Variants in RIMBP2 observed in about 807,000 individuals in gnomAD.
RIMBP2 encodes the protein RIMS binding protein 2, also known as RIMS-binding protein 2.
In RIMBP2, 48 loss-of-function variants were observed where a neutral mutation model predicts 118.6. That is an observed-to-expected ratio of 0.40 (90% confidence interval 0.32 to 0.51). RIMBP2 has a LOEUF of 0.51. Ranked by LOEUF, RIMBP2 falls within the 20% of genes least tolerant of loss-of-function variation. RIMBP2 has a pLI of 0.41. For synonymous variants in RIMBP2, 762 were observed against 742.9 expected (o/e 1.03, Z -0.42); for missense variants, 1,551 against 1,768.3 (o/e 0.88, Z 2.20).
At position 130,710,875 on chromosome 12, in the gene RIMBP2, G is replaced by A. The variant is rs149519690; in HGVS notation, c.-352+5347C>T. ...GCCCCACTGCTCCCAATCCTCACAG[G>A]CCCCGCACGTCACACGTGGGGTCCC... On this transcript the variant is annotated intron_variant, in intron 1 of 22. Transcript: ENST00000690449. This position sits in a 1 kb window ranked among gnomAD's most constrained non-coding sequence, Gnocchi z 4.3. Among the ~76,000 whole-genome samples, 1 of 152,310 alleles carries A rather than the reference G, an allele frequency of 6.6e-6. No individual in the cohort carries two copies. Among genetic ancestry groups the A allele is most frequent in the African/African-American group, 2.4e-5 (1 of 41,566 alleles).
At chr12:130,611,691 G>A (rs898361743) in intron 2 of RIMBP2, among the ~76,000 whole-genome samples, 9 of 152,056 alleles carry the variant, frequency 5.9e-5, no homozygotes, top group African/African-American at 1.2e-4. Flanking sequence ...CTCGTGTCCC[G>A]CCCCGGCACA....
chr12:130,674,953 G>A (rs1043135573), intron 1 of RIMBP2, among the ~76,000 whole-genome samples: 3 of 152,098 alleles, frequency 2.0e-5, no homozygotes, highest in Non-Finnish European at 4.4e-5. Flanking sequence ...TCCTTTTCGC[G>A]GCTGAATCAG....
In RIMBP2 at chr12:130,424,366, T is replaced by C. The variant is rs963308108; in HGVS notation, c.2905A>G (p.Ser969Gly). The change falls in exon 16 of 23, where the codon AGC becomes GGC. Residue 969 changes from serine to glycine, a missense_variant. Coordinates refer to ENST00000690449, the MANE Select transcript of RIMBP2 (RefSeq NM_001393629.1). This position sits in a 1 kb window ranked among gnomAD's most constrained non-coding sequence, Gnocchi z 9.8. ...TGCTCCCCAAAGTCCTCCTCCACGC[T>C]GCTCTGCCGGGTCAGCGTCCGCCGC... ...ARRRTLTRQS[S>G]VEEDFGEQVG... is the part of the protein sequence containing the mutation. The C allele has an allele frequency of 3.1e-5, 38 of 1,232,576 alleles. No homozygotes were observed. Among genetic ancestry groups the C allele is most frequent in the Non-Finnish European group, 3.7e-5 (37 of 988,120 alleles). 76.4% of individuals were successfully genotyped at this position (1,232,576 alleles called of 1,614,324 possible).
At position 130,445,203 on chromosome 12, in the gene RIMBP2, G is replaced by A. The variant is rs987459323; in HGVS notation, c.648C>T (p.Tyr216=). 4.3e-6 allele frequency: 7 copies of A among 1,613,150 alleles called. No individual in the cohort carries two copies. The African/African-American group carries it at 6.7e-5, about 15-fold the overall frequency. ...CATCCATGTCTCCATAGACGTAGAG[G>A]TATTTTCCCGCCGTGAGGGGCAGCT... ...EAELPLTAGK[Y]LYVYGDMDED... The change falls in exon 10 of 23, where the codon TAC becomes TAT. Residue 216 remains tyrosine (Y), a synonymous_variant. Coordinates refer to ENST00000690449, the MANE Select transcript of RIMBP2 (RefSeq NM_001393629.1).
chr12:130,665,850 T>C (rs2063894161), intron 1 of RIMBP2, among the ~76,000 whole-genome samples: 1 of 152,272 alleles, frequency 6.6e-6, no homozygotes, highest in South Asian at 2.1e-4. Flanking sequence ...CACTTCCCCC[T>C]CTTGATTATT....
chr12:130,506,967 C>T (rs2050421489), intron 3 of RIMBP2, among the ~76,000 whole-genome samples, 197 bp from the exon 4 acceptor site: 1 of 152,108 alleles, frequency 6.6e-6, no homozygotes, highest in Admixed American at 6.5e-5. Context: ...CAGCAGACGA[C>T]CTCCATCTTC....
intron 4 of RIMBP2, among the ~76,000 whole-genome samples, chr12:130,489,501 G>GGAAGCCAGGGATTTCTACCC (rs2048424124): frequency 1.3e-5 from 2 of 152,038 alleles, no homozygotes; most frequent in Non-Finnish European, 2.9e-5. Context: ...TCGGCGGGAG[G>GGAAGCCAGGGATTTCTACCC]GAAGCCAGGG....
chr12:130,605,835 G>A lies in RIMBP2; in HGVS notation c.-217+22487C>T, dbSNP rs2060149477. 2.6e-5 allele frequency among the ~76,000 whole-genome samples: 4 copies of A among 152,134 alleles called. No homozygotes were observed. In the South Asian group the frequency reaches 8.3e-4, roughly 31 times the overall value. ...TCCCAGCACTTTGGGAGGCCGAGGTGGGCAGATCATTTGAGGTCAGGAGTT... is the reference window on the plus strand; with the variant it reads ...TCCCAGCACTTTGGGAGGCCGAGGTAGGCAGATCATTTGAGGTCAGGAGTT... On this transcript the variant is annotated intron_variant, in intron 2 of 22. Coordinates refer to ENST00000690449, the MANE Select transcript of RIMBP2 (RefSeq NM_001393629.1).
At chr12:130,572,609 A>G (rs1011599186) in intron 2 of RIMBP2, among the ~76,000 whole-genome samples, 12 of 151,994 alleles carry the variant, frequency 7.9e-5, no homozygotes, top group African/African-American at 2.7e-4. Context: ...CGATTTCCAC[A>G]GCATGATGTG....
chr12:130,510,247 T>C (rs1391902473), intron 3 of RIMBP2, among the ~76,000 whole-genome samples: 3 of 152,210 alleles, frequency 2.0e-5, no homozygotes, highest in Non-Finnish European at 4.4e-5. Flanking sequence ...ACAGTAGAGC[T>C]AGAAGGGAGC....
intron 2 of RIMBP2, among the ~76,000 whole-genome samples, chr12:130,602,541 C>T (rs1226952981): frequency 6.6e-6 from 1 of 152,182 alleles, no homozygotes; most frequent in Non-Finnish European, 1.5e-5. Context: ...AGCTGCTTCC[C>T]CAGGGACTCC....
intron 1 of RIMBP2, among the ~76,000 whole-genome samples, chr12:130,648,040 C>CATGTGAACACA (rs1293962289): frequency 2.7e-5 from 4 of 145,820 alleles, no homozygotes; most frequent in Admixed American, 6.8e-5. Context: ...TGTGTACACA[C>CATGTGAACACA]CCGCCTCACG....
intron 3 of RIMBP2, among the ~76,000 whole-genome samples, chr12:130,517,572 G>T (rs1323891305): frequency 6.6e-6 from 1 of 152,048 alleles, no homozygotes; most frequent in Non-Finnish European, 1.5e-5. Flanking sequence ...CAATGGGTTT[G>T]TTCTGCCTTG....
intron 2 of RIMBP2, among the ~76,000 whole-genome samples, chr12:130,596,705 A>AT (rs1379820832): frequency 6.6e-6 from 1 of 152,222 alleles, no homozygotes; most frequent in East Asian, 1.9e-4. Context: ...AAGGACACAC[A>AT]TTTTAAGAGC....
Position 130,424,064 on chromosome 12 carries a change from A to C in RIMBP2, c.3129+78T>G. The stretch of plus-strand genomic sequence containing the variant: ...GAGAGTCCCCAGGGATGGACACCAG[A>C]ACAAACAGAAAACCAGTGAAAGGAT... On this transcript the variant is annotated intron_variant, in intron 16 of 22. Transcript: ENST00000690449. The surrounding 1 kb of genome is among the most constrained non-coding windows in gnomAD (Gnocchi z 9.8). 1 of 798,726 alleles carries C rather than the reference A, an allele frequency of 1.3e-6. No individual in the cohort carries two copies. Among genetic ancestry groups the C allele is most frequent in the Non-Finnish European group, 1.7e-6 (1 of 592,204 alleles). 49.5% of individuals were successfully genotyped at this position (798,726 alleles called of 1,614,324 possible).
chr12:130,484,514 C>T (rs571006797), intron 4 of RIMBP2, among the ~76,000 whole-genome samples: 1 of 152,382 alleles, frequency 6.6e-6, no homozygotes, highest in African/African-American at 2.4e-5. Flanking sequence ...CTGGCCGGCT[C>T]CCTTGCCTGC....
intron 6 of RIMBP2, among the ~76,000 whole-genome samples, chr12:130,461,126 T>A (rs1448236216): frequency 6.6e-6 from 1 of 152,090 alleles, no homozygotes; most frequent in East Asian, 1.9e-4. Context: ...CATTTCCACA[T>A]GAGATGTGGA....
At chr12:130,408,900 A>T (rs948402676) in intron 19 of RIMBP2, among the ~76,000 whole-genome samples, 7 of 152,134 alleles carry the variant, frequency 4.6e-5, no homozygotes, top group African/African-American at 1.7e-4. Context: ...GCCCTGCAAC[A>T]TTCCAGCGAT....
intron 2 of RIMBP2, among the ~76,000 whole-genome samples, chr12:130,588,193 C>A (rs2059038097): frequency 6.6e-6 from 1 of 152,176 alleles, no homozygotes; most frequent in Non-Finnish European, 1.5e-5. Context: ...GCCCTTCATT[C>A]CCCTCTCTCC....
Sources: allele counts gnomAD v4.1 joint callset (sites outside exome capture counted in the v4.1 genomes callset), GRCh38; gene constraint gnomAD v4.1.1; non-coding constraint Gnocchi (gnomAD v3.1); transcripts MANE v1.5; gene names NCBI Gene and HGNC (gene_info 2026-07-23, HGNC 2026-07-21).